Variants in CHRM3 observed in about 807,000 individuals in gnomAD.
CHRM3 encodes the protein cholinergic receptor muscarinic 3.
A neutral mutation model predicts 41.8 loss-of-function variants in CHRM3; 11 were observed. That is an observed-to-expected ratio of 0.26 (90% CI 0.17 to 0.44). The LOEUF (loss-of-function observed/expected upper bound fraction) is 0.44. Among genes scored for constraint, CHRM3 ranks in the 20% least tolerant of loss-of-function variants. CHRM3 has a pLI of 1.00. For missense variants in CHRM3, 571 were observed against 745.4 expected, an observed-to-expected ratio of 0.77 and a Z score of 2.72; for synonymous variants, 297 against 301.4, an observed-to-expected ratio of 0.99 and a Z score of 0.15.
At chr1:239,881,080 G>A (rs1461040348) in intron 6 of CHRM3, among the ~76,000 whole-genome samples, 1 of 151,900 alleles carries the variant, frequency 6.6e-6, no homozygotes, top group East Asian at 1.9e-4. Context: ...TCAGGAGATC[G>A]AGACCATCCT....
intron 4 of CHRM3, among the ~76,000 whole-genome samples, chr1:239,635,576 G>A (rs1273044736): frequency 6.6e-6 from 1 of 152,132 alleles, no homozygotes; most frequent in Admixed American, 6.5e-5. Flanking sequence ...GGACACCCAG[G>A]TTTAATTCCC....
intron 5 of CHRM3, among the ~76,000 whole-genome samples, chr1:239,728,887 T>G (rs1182374846): frequency 6.6e-6 from 1 of 151,986 alleles, no homozygotes; most frequent in Non-Finnish European, 1.5e-5. Context: ...CAAAATGTCT[T>G]GAGTGCCCAT....
intron 4 of CHRM3, among the ~76,000 whole-genome samples, chr1:239,650,568 G>A (rs1173183296): frequency 1.3e-5 from 2 of 152,164 alleles, no homozygotes; most frequent in African/African-American, 4.8e-5. Flanking sequence ...GTGATTTGGA[G>A]ACAAAGTCTT....
chr1:239,823,407 T>C (rs1447918087), intron 5 of CHRM3, among the ~76,000 whole-genome samples: 1 of 152,100 alleles, frequency 6.6e-6, no homozygotes, highest in Non-Finnish European at 1.5e-5. Context: ...AAGCCAATTA[T>C]GATCAATTCC....
At chr1:239,736,720 C>A (rs1266973699) in intron 5 of CHRM3, among the ~76,000 whole-genome samples, 1 of 152,128 alleles carries the variant, frequency 6.6e-6, no homozygotes, top group African/African-American at 2.4e-5. Context: ...TATGCCAATA[C>A]AATTTACCTT....
At chr1:239,747,369 T>G (rs1247750552) in intron 5 of CHRM3, among the ~76,000 whole-genome samples, 1 of 152,166 alleles carries the variant, frequency 6.6e-6, no homozygotes, top group Non-Finnish European at 1.5e-5. Flanking sequence ...AAGTTTGTAG[T>G]AAGTCCAACT....
At chr1:239,437,749 T>C (rs886066869) in intron 1 of CHRM3, among the ~76,000 whole-genome samples, 1 of 151,892 alleles carries the variant, frequency 6.6e-6, no homozygotes, top group Non-Finnish European at 1.5e-5. Flanking sequence ...GTTGGCAAAA[T>C]AGAGATGAGA....
intron 5 of CHRM3, among the ~76,000 whole-genome samples, chr1:239,742,747 G>C (rs1446040796): frequency 1.3e-5 from 2 of 152,168 alleles, no homozygotes; most frequent in African/African-American, 2.4e-5. Context: ...ATGCAAATAA[G>C]AGAAATAACA....
chr1:239,883,662 T>C lies in CHRM3; in HGVS notation c.-19-23771T>C, dbSNP rs116611936. The stretch of plus-strand genomic sequence containing the variant: ...TGAGCCTTGGGGCACAAAAGTAGTA[T>C]GTGTTTTTGAACCCACTAAGTCTAG... On this transcript the variant is annotated intron_variant, in intron 6 of 6. Transcript: ENST00000676153. Among the ~76,000 whole-genome samples the C allele has an allele frequency of 6.9e-3, 1,057 of 152,330 alleles. 7 individuals are homozygous for C. The highest frequency in any genetic ancestry group is 8.4e-3 in the Non-Finnish European group (569 of 68,024).
At chr1:239,721,479 T>G (rs1558485879) in intron 5 of CHRM3, among the ~76,000 whole-genome samples, 4 of 151,906 alleles carry the variant, frequency 2.6e-5, no homozygotes, top group Non-Finnish European at 4.4e-5. Context: ...TAAATCATAA[T>G]AAGAAGTATG....
intron 4 of CHRM3, among the ~76,000 whole-genome samples, chr1:239,634,436 A>AC (rs35303260): frequency 0.27 from 40,464 of 151,216 alleles, 6,168 homozygotes; most frequent in East Asian, 0.65. Flanking sequence ...AGAGAAAAAA[A>AC]AGAACAGAAA....
At chr1:239,496,150 A>G (rs1667866123) in intron 2 of CHRM3, among the ~76,000 whole-genome samples, 1 of 152,032 alleles carries the variant, frequency 6.6e-6, no homozygotes, top group Admixed American at 6.6e-5. Context: ...TTTCTTGAAC[A>G]TATAGATGCA....
At chr1:239,606,856 T>G (rs1430846022) in intron 3 of CHRM3, among the ~76,000 whole-genome samples, 1 of 152,144 alleles carries the variant, frequency 6.6e-6, no homozygotes, top group Non-Finnish European at 1.5e-5. Context: ...GCACCCAAAA[T>G]TCTCCTAAGG....
intron 5 of CHRM3, among the ~76,000 whole-genome samples, chr1:239,817,161 C>T (rs979020207): frequency 6.6e-6 from 1 of 152,132 alleles, no homozygotes; most frequent in South Asian, 2.1e-4. Context: ...CTTCTCTCCA[C>T]GGAGACAGGA....
At chr1:239,676,382 C>G (rs180823654) in intron 4 of CHRM3, among the ~76,000 whole-genome samples, 2 of 152,212 alleles carry the variant, frequency 1.3e-5, no homozygotes, top group Admixed American at 1.3e-4. Flanking sequence ...TATTGAAACT[C>G]ACAAGGTGAA....
At chr1:239,431,164 T>C (rs1662804880) in intron 1 of CHRM3, among the ~76,000 whole-genome samples, 1 of 152,258 alleles carries the variant, frequency 6.6e-6, no homozygotes, top group Non-Finnish European at 1.5e-5. Flanking sequence ...TAGGTACCTA[T>C]TATGCCAGTC....
intron 4 of CHRM3, among the ~76,000 whole-genome samples, chr1:239,672,297 A>G (rs1674450386): frequency 6.6e-6 from 1 of 152,134 alleles, no homozygotes; most frequent in Non-Finnish European, 1.5e-5. Flanking sequence ...CAGACCTCAG[A>G]AAAGGCTTCC....
At chr1:239,586,596 C>T (rs188150072) in intron 3 of CHRM3, among the ~76,000 whole-genome samples, 1 of 152,236 alleles carries the variant, frequency 6.6e-6, no homozygotes, top group African/African-American at 2.4e-5. Flanking sequence ...TTAAAGTACT[C>T]AGCTGTTCTT....
intron 6 of CHRM3, among the ~76,000 whole-genome samples, chr1:239,858,626 C>T (rs975947851): frequency 6.6e-5 from 10 of 151,732 alleles, no homozygotes; most frequent in South Asian, 2.1e-4. Flanking sequence ...AAATTAGTCA[C>T]GAATCATTTT....
Sources: gnomAD v4.1 joint callset for allele counts (sites outside exome capture counted in the v4.1 genomes callset) on GRCh38, gnomAD v4.1.1 for gene constraint, MANE v1.5 for transcripts, NCBI Gene and HGNC (gene_info 2026-07-23, HGNC 2026-07-21) for gene names.